Variants in MCU observed in about 807,000 individuals in gnomAD.
The protein encoded by MCU is calcium uniporter protein, mitochondrial.
In MCU, 12 loss-of-function variants were observed where a neutral mutation model predicts 45.2. The ratio of observed to expected loss-of-function variants is 0.27; its 90% CI spans 0.17 to 0.43. The LOEUF (loss-of-function observed/expected upper bound fraction) is 0.43, where lower values mean the gene tolerates loss of function less well. MCU is among the 20% of genes least tolerant of loss of function. The probability of loss-of-function intolerance (pLI) is 1.00; values close to 1 mark genes in which losing one functional copy is unlikely to be tolerated. For missense variants in MCU, 324 were observed against 436.7 expected, an observed-to-expected ratio of 0.74 and a Z score of 2.30; for synonymous variants, 160 against 165.1, an observed-to-expected ratio of 0.97 and a Z score of 0.24.
intron 1 of MCU, among the ~76,000 whole-genome samples, chr10:72,815,482 G>A (rs1844612010): frequency 6.6e-6 from 1 of 152,146 alleles, no homozygotes; most frequent in African/African-American, 2.4e-5. Context: ...AACTTAAATG[G>A]ATAAAGAATT....
chr10:72,727,299 C>T (rs1843114527), intron 1 of MCU, among the ~76,000 whole-genome samples: 1 of 152,174 alleles, frequency 6.6e-6, no homozygotes, highest in Non-Finnish European at 1.5e-5. Context: ...GTTCTTGAAA[C>T]ATCATCAAAT....
intron 1 of MCU, among the ~76,000 whole-genome samples, chr10:72,785,583 G>T (rs1255930649): frequency 6.6e-6 from 1 of 152,158 alleles, no homozygotes; most frequent in Non-Finnish European, 1.5e-5. Flanking sequence ...CTTCTTTTGT[G>T]TGTTGGCTCA....
At chr10:72,773,309 C>T (rs1328985977) in intron 1 of MCU, among the ~76,000 whole-genome samples, 1 of 151,894 alleles carries the variant, frequency 6.6e-6, no homozygotes, top group Non-Finnish European at 1.5e-5. Context: ...AGAAAAAACC[C>T]ACAGAAATCT....
chr10:72,804,122 TCTCA>T (rs1471002183), intron 1 of MCU, among the ~76,000 whole-genome samples: 1 of 138,346 alleles, frequency 7.2e-6, no homozygotes, highest in Non-Finnish European at 1.6e-5. Context: ...AGACAGAGTC[TCTCA>T]CTCAAGCTGG....
chr10:72,819,977 C>T (rs928044719), intron 1 of MCU, among the ~76,000 whole-genome samples: 6 of 151,872 alleles, frequency 4.0e-5, no homozygotes, highest in Non-Finnish European at 5.9e-5. Flanking sequence ...ATACATTTTA[C>T]CCATTGAAGA....
At chr10:72,802,505 G>C (rs2132783955) in intron 1 of MCU, among the ~76,000 whole-genome samples, 1 of 150,840 alleles carries the variant, frequency 6.6e-6, no homozygotes, top group Middle Eastern at 3.5e-3. Flanking sequence ...AAACTGACAA[G>C]AACAAGGCTG....
intron 6 of MCU, among the ~76,000 whole-genome samples, chr10:72,879,949 G>A (rs1845675407): frequency 6.6e-6 from 1 of 152,162 alleles, no homozygotes; most frequent in Non-Finnish European, 1.5e-5. Context: ...TGGGGAGGTT[G>A]AGGCATGAGA....
intron 2 of MCU, among the ~76,000 whole-genome samples, chr10:72,848,582 C>T (rs1360417167): frequency 6.6e-6 from 1 of 152,180 alleles, no homozygotes; most frequent in Non-Finnish European, 1.5e-5. Context: ...CCTCTCAACA[C>T]TGTTAAAGTG....
chr10:72,692,709 G>T (rs1842638858), intron 1 of MCU: 2 of 1,259,194 alleles, frequency 1.6e-6, no homozygotes, highest in East Asian at 6.9e-5. Context: ...GGGTTGGGGA[G>T]TTCTGAGTTG....
intron 1 of MCU, among the ~76,000 whole-genome samples, chr10:72,777,685 A>G (rs2132746300): frequency 6.6e-6 from 1 of 152,352 alleles, no homozygotes; most frequent in Admixed American, 6.5e-5. Context: ...ACCAAAAGCA[A>G]AAATAGGTAT....
chr10:72,717,819 T>C (rs1842973086), intron 1 of MCU, among the ~76,000 whole-genome samples: 1 of 152,200 alleles, frequency 6.6e-6, no homozygotes, highest in Non-Finnish European at 1.5e-5. Context: ...GAAAGGAGTT[T>C]AGCAGGTGTA....
At chr10:72,744,578 C>T (rs917871744) in intron 1 of MCU, among the ~76,000 whole-genome samples, 1 of 152,146 alleles carries the variant, frequency 6.6e-6, no homozygotes, top group Admixed American at 6.6e-5. Flanking sequence ...TACAGTGAGC[C>T]GAGATGGTGC....
At chr10:72,835,122 C>T (rs1307916465) in intron 2 of MCU, among the ~76,000 whole-genome samples, 2 of 152,172 alleles carry the variant, frequency 1.3e-5, no homozygotes, top group African/African-American at 4.8e-5. Flanking sequence ...ACCTCCTGCT[C>T]TTGCTTATCT....
At chr10:72,796,670 C>G (rs1476529866) in intron 1 of MCU, among the ~76,000 whole-genome samples, 1 of 150,410 alleles carries the variant, frequency 6.6e-6, no homozygotes, top group Non-Finnish European at 1.5e-5. Flanking sequence ...CGTACCACCA[C>G]GCCTGGCTAC....
In MCU at chr10:72,863,886, G is replaced by C. The variant is rs553977991; in HGVS notation, c.496+3359G>C. Among the ~76,000 whole-genome samples, 4 of 152,244 alleles carry C rather than the reference G, an allele frequency of 2.6e-5. No homozygotes were observed. In the East Asian group the frequency reaches 7.7e-4, roughly 29 times the overall value. ...CCACCTTGGCCTCCCAAAGTGCTGG[G>C]ATTACAGGCATGAACCACCATGCCC... is the stretch of plus-strand genomic sequence containing the variant. On this transcript the variant is annotated intron_variant, in intron 4 of 7. Coordinates refer to ENST00000373053, the MANE Select transcript of MCU (RefSeq NM_138357.3).
chr10:72,724,991 A>C (rs1843076547), intron 1 of MCU, among the ~76,000 whole-genome samples: 2 of 152,178 alleles, frequency 1.3e-5, no homozygotes, highest in Non-Finnish European at 2.9e-5. Context: ...ACAAGGTCTC[A>C]TGTTGTCATC....
chr10:72,726,256 C>CACGTGTGT (rs112936516), intron 1 of MCU, among the ~76,000 whole-genome samples: 1 of 145,586 alleles, frequency 6.9e-6, no homozygotes, highest in African/African-American at 2.5e-5. Context: ...CACACACACA[C>CACGTGTGT]GTGTGTGTGT....
intron 6 of MCU, among the ~76,000 whole-genome samples, chr10:72,872,355 T>C (rs1845554626): frequency 6.6e-6 from 1 of 152,086 alleles, no homozygotes; most frequent in African/African-American, 2.4e-5. Context: ...ATTCCTCCTA[T>C]CTAACTGTAA....
intron 1 of MCU, among the ~76,000 whole-genome samples, chr10:72,800,495 G>A (rs957443610): frequency 3.3e-5 from 5 of 152,268 alleles, no homozygotes; most frequent in East Asian, 3.9e-4. Flanking sequence ...ATACTCAACC[G>A]GTAATGCAAA....
Sources: allele counts gnomAD v4.1 joint callset (sites outside exome capture counted in the v4.1 genomes callset), GRCh38; gene constraint gnomAD v4.1.1; transcripts MANE v1.5; gene names NCBI Gene and HGNC (gene_info 2026-07-23, HGNC 2026-07-21).